IRF2: variants seen among roughly 807,000 people sequenced by gnomAD.
IRF2 encodes interferon regulatory factor 2.
Under a neutral mutation model 40.6 loss-of-function variants are expected in IRF2, and 15 were observed. That is an observed-to-expected ratio of 0.37 (90% CI 0.25 to 0.57). The LOEUF (loss-of-function observed/expected upper bound fraction) is 0.57. Among genes scored for constraint, IRF2 ranks in the 20% least tolerant of loss-of-function variants. IRF2 has a pLI of 0.77. For synonymous variants in IRF2, 151 were observed against 165.5 expected, an observed-to-expected ratio of 0.91 and a Z score of 0.67; for missense variants, 317 against 455.7, an observed-to-expected ratio of 0.70 and a Z score of 2.77.
rs113663847 is a variant in IRF2, at chr4:184,397,685, C to T, written c.694+1230G>A. Among the ~76,000 whole-genome samples the T allele has an allele frequency of 3.6e-3, 552 of 152,232 alleles. 1 individual carries two copies. The highest frequency in any genetic ancestry group is 0.013 in the African/African-American group (521 of 41,536). On this transcript the variant is annotated intron_variant, in intron 7 of 8. Transcript: ENST00000393593. Reference sequence around the variant, plus strand: ...TACTGGAGGACATCCCATTTGGCAGCGTGTAAAGAGCACAGGGAAGAATCC... The same window carrying T: ...TACTGGAGGACATCCCATTTGGCAGTGTGTAAAGAGCACAGGGAAGAATCC...
intron 6 of IRF2, among the ~76,000 whole-genome samples, chr4:184,403,014 A>C (rs1170578856): frequency 6.6e-6 from 1 of 152,176 alleles, no homozygotes; most frequent in Non-Finnish European, 1.5e-5. Flanking sequence ...AGGAGAGAAA[A>C]GTCAGTCTGT....
intron 2 of IRF2, among the ~76,000 whole-genome samples, chr4:184,425,748 C>T (rs1255168372): frequency 6.6e-6 from 1 of 152,224 alleles, no homozygotes; most frequent in Non-Finnish European, 1.5e-5. Context: ...AAGGGAAATC[C>T]ATTTGCCTTC....
chr4:184,424,225 G>C (rs776245054), intron 2 of IRF2, among the ~76,000 whole-genome samples: 1 of 152,208 alleles, frequency 6.6e-6, no homozygotes, highest in Non-Finnish European at 1.5e-5. Context: ...CCCAGCCAAG[G>C]TCTCATTCAT....
intron 5 of IRF2, among the ~76,000 whole-genome samples, chr4:184,415,962 ACACATGTGTG>A (rs1737252049): frequency 6.6e-6 from 1 of 152,224 alleles, no homozygotes; most frequent in Non-Finnish European, 1.5e-5. Context: ...GCAAATTCTC[ACACATGTGTG>A]AGAAAGCTGT....
rs1278484252 is a variant in IRF2, at chr4:184,413,149, A to T, written c.412-4874T>A. On this transcript the variant is annotated intron_variant, in intron 5 of 8. Coordinates refer to ENST00000393593, the MANE Select transcript of IRF2 (RefSeq NM_002199.4). The surrounding 1 kb of genome is among the most constrained non-coding windows in gnomAD (Gnocchi z 4.2). ...GAGAAATGTCTCCTCCCTCCATGCC[A>T]GTGGCACCAGCTACTGCCTTTCCAC... Among the ~76,000 whole-genome samples the T allele has an allele frequency of 6.6e-6, 1 of 152,120 alleles. No homozygotes were observed. The highest frequency in any genetic ancestry group is 1.5e-5 in the Non-Finnish European group (1 of 68,012).
At chr4:184,407,141 C>T in intron 6 of IRF2, 1 of 1,264,060 alleles carries the variant, frequency 7.9e-7, no homozygotes, top group South Asian at 1.2e-5. Context: ...TTTACACTGC[C>T]CGGGAGATGG....
chr4:184,419,571 G>GGA lies in IRF2; in HGVS notation c.88-4_88-3insTC. 10 of 911,524 alleles carry GGA rather than the reference G, an allele frequency of 1.1e-5. No individual in the cohort carries two copies. Among genetic ancestry groups the GGA allele is most frequent in the Non-Finnish European group, 1.6e-5 (10 of 619,694 alleles). The allele number at this position is 911,524 out of a possible 1,614,324, so 56.5% of individuals were successfully genotyped here. On this transcript the variant is annotated splice_polypyrimidine_tract_variant and splice_region_variant and intron_variant, in intron 2 of 8. Coordinates refer to ENST00000393593, the MANE Select transcript of IRF2 (RefSeq NM_002199.4). ...GGGATCTGAAAAATCTTCTTTTCCT[G>GGA]AAAAAAAAAAAAAAAAAAAAGGTAA...
At chr4:184,402,784 G>A (rs950680937) in intron 6 of IRF2, among the ~76,000 whole-genome samples, 1 of 152,188 alleles carries the variant, frequency 6.6e-6, no homozygotes, top group African/African-American at 2.4e-5. Context: ...CTGTGGGTGC[G>A]AGGGCTGGGG....
chr4:184,446,958 A>C (rs1485756828), intron 1 of IRF2, among the ~76,000 whole-genome samples: 1 of 152,196 alleles, frequency 6.6e-6, no homozygotes, highest in Non-Finnish European at 1.5e-5. Flanking sequence ...TCCGTCTCAA[A>C]AAAAACAAAA....
intron 6 of IRF2, among the ~76,000 whole-genome samples, chr4:184,406,305 C>T (rs1736853422): frequency 6.6e-6 from 1 of 151,066 alleles, no homozygotes; most frequent in African/African-American, 2.4e-5. Context: ...TCTTGGCTCA[C>T]TGCAACCTCC....
At chr4:184,396,436 C>CTT (rs749998648) in intron 7 of IRF2, among the ~76,000 whole-genome samples, 2 of 134,722 alleles carry the variant, frequency 1.5e-5, no homozygotes, top group African/African-American at 2.7e-5. Context: ...ATTTTTTTTT[C>CTT]TTTTTTTTTT....
At chr4:184,430,039 T>A (rs1342297266) in intron 1 of IRF2, among the ~76,000 whole-genome samples, 1 of 152,232 alleles carries the variant, frequency 6.6e-6, no homozygotes, top group Non-Finnish European at 1.5e-5. Flanking sequence ...ACAGACAGTG[T>A]GACACTGTAA....
intron 8 of IRF2, among the ~76,000 whole-genome samples, chr4:184,389,814 C>T (rs1199916914): frequency 6.6e-6 from 1 of 152,142 alleles, no homozygotes; most frequent in Non-Finnish European, 1.5e-5. Flanking sequence ...AGCCAACCTG[C>T]ATTTTCAGAG....
chr4:184,419,678 T>G, intron 2 of IRF2, 110 bp from the exon 3 acceptor site: 1 of 711,932 alleles, frequency 1.4e-6, no homozygotes, highest in African/African-American at 1.8e-5. Flanking sequence ...CAAGCATCGC[T>G]GAATGTGTTG....
intron 1 of IRF2, among the ~76,000 whole-genome samples, chr4:184,470,767 A>T (rs1326166540): frequency 6.6e-6 from 1 of 152,184 alleles, no homozygotes; most frequent in African/African-American, 2.4e-5. Flanking sequence ...ACCTGCAATG[A>T]CAGATAATGA....
intron 1 of IRF2, among the ~76,000 whole-genome samples, chr4:184,473,324 G>A (rs1376313738): frequency 1.3e-5 from 2 of 148,514 alleles, no homozygotes; most frequent in Non-Finnish European, 3.0e-5. Context: ...GAGGCTCCCC[G>A]CCCCCACCTC....
chr4:184,430,264 G>GTCT, intron 1 of IRF2, among the ~76,000 whole-genome samples: 1 of 126,204 alleles, frequency 7.9e-6, no homozygotes, highest in African/African-American at 2.9e-5. Context: ...GCCTCACCCT[G>GTCT]GGCCTGTATG....
chr4:184,438,709 A>AT lies in IRF2; in HGVS notation c.-6-9640dup, dbSNP rs1738180851. Among the ~76,000 whole-genome samples, 6 of 152,194 alleles carry AT rather than the reference A, an allele frequency of 3.9e-5. No individual in the cohort carries two copies. In the South Asian group the frequency reaches 1.2e-3, roughly 32 times the overall value. ...CCGCGCCTGGCCTAATATTTTTAAC[A>AT]TTTTTGTAGAAACAGGGAAACAAGG... is the stretch of plus-strand genomic sequence containing the variant. On this transcript the variant is annotated intron_variant, in intron 1 of 8. Transcript: ENST00000393593.
At chr4:184,450,520 G>A (rs1455599751) in intron 1 of IRF2, among the ~76,000 whole-genome samples, 1 of 152,158 alleles carries the variant, frequency 6.6e-6, no homozygotes, top group Non-Finnish European at 1.5e-5. Flanking sequence ...TTATTAGAAA[G>A]TGGAAAAATA....
Sources: allele counts gnomAD v4.1 joint callset (sites outside exome capture counted in the v4.1 genomes callset), GRCh38; gene constraint gnomAD v4.1.1; non-coding constraint Gnocchi (gnomAD v3.1); transcripts MANE v1.5; gene names NCBI Gene and HGNC (gene_info 2026-07-23, HGNC 2026-07-21).